PDE4D: variants seen among roughly 807,000 people sequenced by gnomAD.
PDE4D encodes 3',5'-cyclic-AMP phosphodiesterase 4D.
In PDE4D, 24 loss-of-function variants were observed where a neutral mutation model predicts 87.4. That is an observed-to-expected ratio of 0.27 (90% CI 0.20 to 0.39). PDE4D has a LOEUF of 0.39. PDE4D is among the 10% of genes least tolerant of loss of function. The pLI is 1.00. For missense variants in PDE4D, 714 were observed against 1,041.0 expected (o/e 0.69, Z 4.32); for synonymous variants, 384 against 383.2 (o/e 1.00, Z -0.02).
At position 59,383,001 on chromosome 5, in the gene PDE4D, C is replaced by T. The variant is rs186543846; in HGVS notation, c.456-167033G>A. Among the ~76,000 whole-genome samples the T allele has an allele frequency of 1.5e-3, 231 of 152,136 alleles. 1 individual carries two copies. The highest frequency in any genetic ancestry group is 7.5e-3 in the South Asian group (36 of 4,812). On this transcript the variant is annotated intron_variant, in intron 1 of 14. Transcript: ENST00000340635. Reference sequence around the variant, plus strand: ...TTTGCTGAAACATAAATGCTTAGTGCGGTATCTAAAGCATGGAAGAGCTTT... The same window carrying T: ...TTTGCTGAAACATAAATGCTTAGTGTGGTATCTAAAGCATGGAAGAGCTTT...
intron 1 of PDE4D, among the ~76,000 whole-genome samples, chr5:59,672,167 T>A (rs1469865662): frequency 6.6e-6 from 1 of 152,048 alleles, no homozygotes; most frequent in Non-Finnish European, 1.5e-5. Flanking sequence ...GATTAAAAAA[T>A]TTGCCAAGAC....
chr5:59,990,542 CA>C (rs34419687), intron 2 of PDE4D, among the ~76,000 whole-genome samples: 119,549 of 151,708 alleles, frequency 0.79, 47,773 homozygotes, highest in East Asian at 0.97. Flanking sequence ...AAAAAACAAA[CA>C]AAAAAAAAGA....
At chr5:59,995,005 G>A (rs1212537765) in intron 2 of PDE4D, among the ~76,000 whole-genome samples, 1 of 152,084 alleles carries the variant, frequency 6.6e-6, no homozygotes, top group Non-Finnish European at 1.5e-5. Context: ...ATAATAGACA[G>A]ATAATCACCA....
At chr5:60,127,898 A>C (rs1261786861) in intron 2 of PDE4D, among the ~76,000 whole-genome samples, 1 of 152,096 alleles carries the variant, frequency 6.6e-6, no homozygotes, top group Non-Finnish European at 1.5e-5. Context: ...AAAAAGGAGG[A>C]CCACGCCTGA....
intron 1 of PDE4D, among the ~76,000 whole-genome samples, chr5:59,469,212 C>T (rs1802046821): frequency 6.6e-6 from 1 of 151,954 alleles, no homozygotes; most frequent in Non-Finnish European, 1.5e-5. Context: ...CCTGTAGTCC[C>T]AGCTACTTGG....
At chr5:59,733,263 G>C (rs1183532975) in intron 1 of PDE4D, among the ~76,000 whole-genome samples, 1 of 152,050 alleles carries the variant, frequency 6.6e-6, no homozygotes, top group Non-Finnish European at 1.5e-5. Flanking sequence ...CAAAATCCAA[G>C]GGCAATGAAA....
rs189774704 is a variant in PDE4D, at chr5:59,814,974, T to C, written c.455+78194A>G. On this transcript the variant is annotated intron_variant, in intron 1 of 14. Transcript: ENST00000340635. Reference sequence around the variant, plus strand: ...TAAGAACAGCACAGAGTCTCAGATATACACACGTTTTTGCACAGAGTCTGG... The same window carrying C: ...TAAGAACAGCACAGAGTCTCAGATACACACACGTTTTTGCACAGAGTCTGG... Among the ~76,000 whole-genome samples the C allele has an allele frequency of 8.3e-3, 1,268 of 152,262 alleles. 8 individuals carry two copies. The highest frequency in any genetic ancestry group is 0.024 in the Middle Eastern group (7 of 294).
At chr5:60,429,430 C>G (rs1378851245) in intron 1 of PDE4D, among the ~76,000 whole-genome samples, 5 of 152,228 alleles carry the variant, frequency 3.3e-5, no homozygotes, top group Non-Finnish European at 2.9e-5. Context: ...GTTTGATTTT[C>G]TCTCTTCCTA....
In PDE4D at chr5:59,038,883, G is replaced by A. The variant is rs1759061293; in HGVS notation, c.897C>T (p.Ser299=). The A allele has an allele frequency of 6.3e-7, 1 of 1,583,246 alleles. No individual in the cohort carries two copies. Among genetic ancestry groups the A allele is most frequent in the Non-Finnish European group, 8.6e-7 (1 of 1,164,736 alleles). The change falls in exon 6 of 15, where the codon TCC becomes TCT. Residue 299 remains serine (S), a synonymous_variant. Coordinates refer to ENST00000340635, the MANE Select transcript of PDE4D (RefSeq NM_001104631.2). ...CCTTGTTGGAGGCCATCTCACTGAC[G>A]GAGTGCCTGGTCTGTAGGGTCTCTA... ...DQLETLQTRH[S]VSEMASNKFK...
chr5:59,595,577 G>T (rs1826555947), intron 1 of PDE4D, among the ~76,000 whole-genome samples: 1 of 152,244 alleles, frequency 6.6e-6, no homozygotes, highest in East Asian at 1.9e-4. Context: ...TTGCCAGATG[G>T]CACATGGTAA....
At chr5:60,207,279 G>T (rs2149561927) in intron 1 of PDE4D, among the ~76,000 whole-genome samples, 1 of 152,314 alleles carries the variant, frequency 6.6e-6, no homozygotes, top group African/African-American at 2.4e-5. Flanking sequence ...AATAACCTAA[G>T]ATGGTTAAGG....
chr5:59,638,751 T>G (rs1741035224), intron 1 of PDE4D, among the ~76,000 whole-genome samples: 1 of 151,964 alleles, frequency 6.6e-6, no homozygotes, highest in Admixed American at 6.6e-5. Context: ...TAGGACATAG[T>G]GGATTAAGGA....
intron 1 of PDE4D, among the ~76,000 whole-genome samples, chr5:59,752,621 G>A (rs561140345): frequency 4.7e-4 from 71 of 152,240 alleles, no homozygotes; most frequent in African/African-American, 1.7e-3. Context: ...AAAACTGGCA[G>A]TGCTTGGAGA....
At chr5:60,024,627 C>G (rs574256982) in intron 2 of PDE4D, among the ~76,000 whole-genome samples, 23 of 152,090 alleles carry the variant, frequency 1.5e-4, no homozygotes, top group African/African-American at 5.5e-4. Flanking sequence ...TCCCCAAGCA[C>G]AATTATGGAA....
At chr5:59,759,540 ACATG>A (rs1761713720) in intron 1 of PDE4D, among the ~76,000 whole-genome samples, 1 of 152,182 alleles carries the variant, frequency 6.6e-6, no homozygotes, top group Non-Finnish European at 1.5e-5. Flanking sequence ...AATTCCTTAA[ACATG>A]ACAAGCCAAT....
intron 3 of PDE4D, among the ~76,000 whole-genome samples, chr5:59,901,187 C>CTAAG (rs1485879703): frequency 6.6e-6 from 1 of 152,128 alleles, no homozygotes; most frequent in Non-Finnish European, 1.5e-5. Context: ...CCTCGTCAAG[C>CTAAG]TAAGTCCAAA....
At chr5:59,530,415 T>A (rs1247663172) in intron 1 of PDE4D, among the ~76,000 whole-genome samples, 1 of 152,174 alleles carries the variant, frequency 6.6e-6, no homozygotes, top group Non-Finnish European at 1.5e-5. Flanking sequence ...CCAAAATCCA[T>A]GGATGCTCAA....
At chr5:60,331,008 T>C (rs1397437416) in intron 1 of PDE4D, among the ~76,000 whole-genome samples, 3 of 152,156 alleles carry the variant, frequency 2.0e-5, no homozygotes, top group Non-Finnish European at 2.9e-5. Flanking sequence ...AATACATAAA[T>C]AATAAATAAC....
chr5:60,507,980 G>T (rs7737629), intron 1 of PDE4D, among the ~76,000 whole-genome samples: 11,889 of 152,240 alleles, frequency 0.078, 1,355 homozygotes, highest in African/African-American at 0.25. Flanking sequence ...AGCGCATAGA[G>T]CCTGTATGGT....
Sources: allele counts gnomAD v4.1 joint callset (sites outside exome capture counted in the v4.1 genomes callset), GRCh38; gene constraint gnomAD v4.1.1; transcripts MANE v1.5; gene names NCBI Gene and HGNC (gene_info 2026-07-23, HGNC 2026-07-21).